Variants in CTR9 observed in about 807,000 individuals in gnomAD.
The protein encoded by CTR9 is CTR9 component of Paf1/RNA polymerase II complex.
A neutral mutation model predicts 152.1 loss-of-function variants in CTR9; 41 were observed. The ratio of observed to expected loss-of-function variants is 0.27; its 90% CI spans 0.21 to 0.35. The LOEUF (loss-of-function observed/expected upper bound fraction) is 0.35, where lower values mean the gene tolerates loss of function less well. Ranked by LOEUF, CTR9 falls within the 10% of genes least tolerant of loss-of-function variation. The probability of loss-of-function intolerance (pLI) is 1.00; values close to 1 mark genes in which losing one functional copy is unlikely to be tolerated. For missense variants in CTR9, 917 were observed against 1,424.4 expected, an observed-to-expected ratio of 0.64 and a Z score of 5.73; for synonymous variants, 476 against 496.2, an observed-to-expected ratio of 0.96 and a Z score of 0.54.
chr11:10,770,809 A>G (rs1351003448), intron 18 of CTR9, among the ~76,000 whole-genome samples, 177 bp downstream of exon 18: 1 of 152,226 alleles, frequency 6.6e-6, no homozygotes, highest in East Asian at 1.9e-4. Context: ...AGTTAAGCCA[A>G]AGCAGATAGC....
intron 6 of CTR9, 30 bp downstream of exon 6, chr11:10,760,351 TA>T (rs747300272): frequency 6.3e-7 from 1 of 1,598,538 alleles, no homozygotes; most frequent in African/African-American, 1.3e-5. Context: ...ATCTAGCTCC[TA>T]ACTGCTTTGT....
At chr11:10,771,840 AT>A (rs990843213) in intron 19 of CTR9, among the ~76,000 whole-genome samples, 73 of 152,118 alleles carry the variant, frequency 4.8e-4, no homozygotes, top group African/African-American at 1.7e-3. Context: ...ATACTTTTCT[AT>A]TTTACTTATG....
intron 24 of CTR9, among the ~76,000 whole-genome samples, chr11:10,776,503 C>T (rs1388165206): frequency 1.3e-5 from 2 of 152,190 alleles, no homozygotes; most frequent in Non-Finnish European, 2.9e-5. Context: ...TCTCTTAATA[C>T]TGTACTACAC....
chr11:10,769,091 C>T (rs546873850), intron 16 of CTR9, among the ~76,000 whole-genome samples: 6 of 151,982 alleles, frequency 3.9e-5, no homozygotes, highest in African/African-American at 1.2e-4. Flanking sequence ...CATGGTAGCA[C>T]GTGCCTGTAA....
Position 10,778,982 on chromosome 11 carries a change from A to G in CTR9, c.3399A>G (p.Glu1133=), listed in dbSNP as rs776572084. ...PASPSAESDH[E]SERGSDNEGS... ...CTCCAAGTGCCGAATCAGATCACGA[A>G]TCGGAGAGAGGATCTGATAATGAGG... The change falls in exon 25 of 25, where the codon GAA becomes GAG. Residue 1133 remains glutamate, a synonymous_variant. Transcript: ENST00000361367. The G allele has an allele frequency of 1.2e-6, 2 of 1,614,148 alleles. No homozygotes were observed. Among genetic ancestry groups the G allele is most frequent in the South Asian group, 2.2e-5 (2 of 91,072 alleles).
chr11:10,773,230 C>G lies in CTR9; in HGVS notation c.2684C>G (p.Thr895Ser), dbSNP rs1194226061. 1.9e-6 allele frequency: 3 copies of G among 1,613,160 alleles called. No homozygotes were observed. The highest frequency in any genetic ancestry group is 2.5e-6 in the Non-Finnish European group (3 of 1,179,824). ...TKNILMFTGE[T>S]EATKEKKRGG... The stretch of plus-strand genomic sequence containing the variant: ...AATATTCTTATGTTTACTGGTGAGA[C>G]TGAAGCAACAAAAGAGAAGAAAAGA... The change falls in exon 21 of 25, where the codon ACT (threonine) becomes AGT (serine). Residue 895 changes from threonine (T) to serine (S), a missense_variant. Physicochemically the swap from Thr to Ser is moderately conservative, Grantham distance 58. This residue lies in a region of CTR9 where 384 missense variants were observed against 398.4 expected (regional missense o/e 0.96). Transcript: ENST00000361367.
At position 10,764,447 on chromosome 11, in the gene CTR9, A is replaced by G; in HGVS notation, c.1413+11A>G. 6.2e-7 allele frequency: 1 copy of G among 1,605,404 alleles called. No individual in the cohort carries two copies. The highest frequency in any genetic ancestry group is 1.7e-5 in the Admixed American group (1 of 58,142). On this transcript the variant is annotated intron_variant, in intron 11 of 24. Coordinates refer to ENST00000361367, the MANE Select transcript of CTR9 (RefSeq NM_014633.5). ...CTAGGGGAGGCTAAGGTAGGAAAAT[A>G]GAAATATTTCCTTCTTTTATACTGA...
chr11:10,776,936 G>A (rs1454161862), intron 24 of CTR9, among the ~76,000 whole-genome samples: 2 of 117,224 alleles, frequency 1.7e-5, no homozygotes, highest in Non-Finnish European at 3.2e-5. Context: ...TGGTACCACT[G>A]CACTCCAGTC....
Position 10,778,718 on chromosome 11 carries a change from G to C in CTR9, c.3135G>C (p.Glu1045Asp). The C allele has an allele frequency of 6.2e-7, 1 of 1,613,980 alleles. No homozygotes were observed. The highest frequency in any genetic ancestry group is 1.3e-5 in the African/African-American group (1 of 75,038). ...RNSNSNSDSD[E>D]DEQRKKCASS... Reference sequence around the variant, plus strand: ...GCAACAGCAACAGTGACTCAGACGAGGACGAACAACGAAAGAAATGTGCCT... The same window carrying C: ...GCAACAGCAACAGTGACTCAGACGACGACGAACAACGAAAGAAATGTGCCT... The change falls in exon 25 of 25, where the codon GAG becomes GAC. Residue 1045 changes from glutamate to aspartate, a missense_variant. Glu to Asp is a conservative substitution (Grantham distance 45). This residue lies in a region of CTR9 where 384 missense variants were observed against 398.4 expected (regional missense o/e 0.96). Transcript: ENST00000361367.
intron 6 of CTR9, 134 bp from the exon 7 acceptor site, chr11:10,761,813 A>C (rs1239728403): frequency 1.2e-5 from 6 of 515,610 alleles, no homozygotes; most frequent in African/African-American, 4.0e-5. Flanking sequence ...ATTTAAAATC[A>C]TAAGAAGCTT....
intron 7 of CTR9, 54 bp downstream of exon 7, chr11:10,762,108 ATATTT>A: frequency 2.0e-6 from 2 of 1,010,778 alleles, no homozygotes; most frequent in East Asian, 5.1e-5. Context: ...ACTGCAATTG[ATATTT>A]TATTTCTTTT....
chr11:10,774,758 A>G (rs1863203827), intron 22 of CTR9, among the ~76,000 whole-genome samples: 1 of 152,122 alleles, frequency 6.6e-6, no homozygotes, highest in Non-Finnish European at 1.5e-5. Flanking sequence ...TGCCCTTCCC[A>G]ACCCTTGGCC....
rs756711073 is a variant in CTR9, at chr11:10,752,626, A to G, written c.46-46A>G. On this transcript the variant is annotated intron_variant, in intron 1 of 24. Coordinates refer to ENST00000361367, the MANE Select transcript of CTR9 (RefSeq NM_014633.5). ...CGAAAAGCAGCAAAGATGAAATGTG[A>G]ATTTTAAAGTGGAATAAGAGTTAAG... 5 of 1,352,746 alleles carry G rather than the reference A, an allele frequency of 3.7e-6. No individual in the cohort carries two copies. The East Asian group carries it at 9.2e-5, about 25-fold the overall frequency. 83.8% of individuals were successfully genotyped at this position (1,352,746 alleles called of 1,614,324 possible).
In CTR9 at chr11:10,768,371, T is replaced by C. The variant is rs754687366; in HGVS notation, c.1989T>C (p.Phe663=). The C allele has an allele frequency of 9.3e-6, 15 of 1,613,674 alleles. No homozygotes were observed. The highest frequency in any genetic ancestry group is 1.1e-5 in the Non-Finnish European group (13 of 1,179,938). The change falls in exon 16 of 25, where the codon TTT becomes TTC. Residue 663 remains phenylalanine (F), a synonymous_variant. Coordinates refer to ENST00000361367, the MANE Select transcript of CTR9 (RefSeq NM_014633.5). ...IGAVLAHKGY[F]REARDVFAQV... ...CTGTTTTGGCCCACAAAGGATATTT[T>C]CGTGAAGCTCGTGATGTATTTGCCC...
At chr11:10,759,242 G>A (rs548596444) in intron 5 of CTR9, among the ~76,000 whole-genome samples, 1 of 152,298 alleles carries the variant, frequency 6.6e-6, no homozygotes, top group South Asian at 2.1e-4. Context: ...AATAGCCAGA[G>A]GTATAGGAGG....
At chr11:10,754,339 A>T (rs748826463) in intron 2 of CTR9, among the ~76,000 whole-genome samples, 14 of 152,186 alleles carry the variant, frequency 9.2e-5, no homozygotes, top group Non-Finnish European at 1.6e-4. Context: ...CTTATCTGAA[A>T]ATTTTAGTTA....
Position 10,751,870 on chromosome 11 carries a change from A to G in CTR9, c.45+413A>G, listed in dbSNP as rs535055163. ...TCGAGATCTTTCCCTGGGAATATAT[A>G]GGAGGTCGCCTCTTCTCCCTTAGAA... On this transcript the variant is annotated intron_variant, in intron 1 of 24. Coordinates refer to ENST00000361367, the MANE Select transcript of CTR9 (RefSeq NM_014633.5). 8.5e-5 allele frequency among the ~76,000 whole-genome samples: 13 copies of G among 152,228 alleles called. No homozygotes were observed. The South Asian group carries it at 2.7e-3, about 32-fold the overall frequency.
chr11:10,762,995 G>A (rs1863000260), intron 7 of CTR9, among the ~76,000 whole-genome samples: 1 of 149,138 alleles, frequency 6.7e-6, no homozygotes, highest in Admixed American at 6.7e-5. Context: ...GCAACAGAGT[G>A]AGACCCTGTC....
At chr11:10,775,070 TGAG>T in intron 22 of CTR9, 134 bp from the exon 23 acceptor site, 1 of 659,242 alleles carries the variant, frequency 1.5e-6, no homozygotes. Flanking sequence ...CCCCTGCCCT[TGAG>T]GAGTGTACAG....
Sources: gnomAD v4.1 joint callset for allele counts (sites outside exome capture counted in the v4.1 genomes callset) on GRCh38, gnomAD v4.1.1 for gene constraint, gnomAD v4.1.1 regional missense constraint, MANE v1.5 for transcripts, NCBI Gene and HGNC (gene_info 2026-07-23, HGNC 2026-07-21) for gene names.